PRKN: variants seen among roughly 807,000 people sequenced by gnomAD.
The protein encoded by PRKN is E3 ubiquitin-protein ligase parkin.
PRKN carries 56 observed loss-of-function variants against 59.5 expected under a neutral mutation model. The observed-to-expected ratio is 0.94, with a 90% CI of 0.76 to 1.18. The LOEUF (loss-of-function observed/expected upper bound fraction) is 1.18. PRKN is among the 50% of genes most tolerant of loss of function. The probability of loss-of-function intolerance (pLI) is 0.00; values close to 1 mark genes in which losing one functional copy is unlikely to be tolerated. For missense variants in PRKN, 657 were observed against 596.4 expected (o/e 1.10, Z -1.06); for synonymous variants, 250 against 222.1 (o/e 1.13, Z -1.12).
At chr6:162,111,463 T>TA (rs144971105) in intron 4 of PRKN, among the ~76,000 whole-genome samples, 24,558 of 150,616 alleles carry the variant, frequency 0.16, 2,513 homozygotes, top group African/African-American at 0.29. Context: ...AGACTCTGTC[T>TA]AAAAAAAAAG....
At chr6:161,767,445 A>G (rs1789474101) in intron 7 of PRKN, among the ~76,000 whole-genome samples, 1 of 150,994 alleles carries the variant, frequency 6.6e-6, no homozygotes, top group African/African-American at 2.4e-5. Flanking sequence ...TGAGCCCGGG[A>G]GGCGGAGCTT....
At chr6:161,696,630 C>T (rs1015334592) in intron 7 of PRKN, among the ~76,000 whole-genome samples, 1 of 152,176 alleles carries the variant, frequency 6.6e-6, no homozygotes, top group Non-Finnish European at 1.5e-5. Flanking sequence ...TGCAGGCATA[C>T]ATGTGAGTCT....
intron 2 of PRKN, among the ~76,000 whole-genome samples, chr6:162,351,837 T>A (rs1784640200): frequency 6.6e-6 from 1 of 152,130 alleles, no homozygotes; most frequent in African/African-American, 2.4e-5. Flanking sequence ...TGTGTTTGTG[T>A]GTGTGTGTGT....
At chr6:162,554,427 G>A (rs2846484) in intron 1 of PRKN, among the ~76,000 whole-genome samples, 56,176 of 152,012 alleles carry the variant, frequency 0.37, 11,395 homozygotes, top group Non-Finnish European at 0.46. Flanking sequence ...ACTTGAACTC[G>A]GGAGGCAGAG....
chr6:161,662,147 C>CA (rs949636228), intron 7 of PRKN, among the ~76,000 whole-genome samples: 11 of 151,848 alleles, frequency 7.2e-5, no homozygotes, highest in African/African-American at 2.2e-4. Context: ...AATGTTGGCT[C>CA]AAAAAAAATT....
At chr6:161,590,469 A>G (rs1032463136) in intron 7 of PRKN, among the ~76,000 whole-genome samples, 4 of 152,180 alleles carry the variant, frequency 2.6e-5, no homozygotes, top group African/African-American at 9.7e-5. Context: ...GTGGTGGCGC[A>G]CGCCTGTAAT....
chr6:161,364,223 G>A (rs1358700506), intron 10 of PRKN, among the ~76,000 whole-genome samples: 1 of 150,286 alleles, frequency 6.7e-6, no homozygotes, highest in Non-Finnish European at 1.5e-5. Flanking sequence ...GGATGTGGGA[G>A]GCCAAGGCAG....
At chr6:162,676,400 G>T (rs1230151257) in intron 1 of PRKN, among the ~76,000 whole-genome samples, 1 of 152,136 alleles carries the variant, frequency 6.6e-6, no homozygotes, top group Admixed American at 6.6e-5. Flanking sequence ...TATTGTCAGA[G>T]ATTGGGCTTG....
intron 4 of PRKN, among the ~76,000 whole-genome samples, chr6:162,177,785 A>C (rs1202406366): frequency 3.3e-5 from 5 of 152,202 alleles, no homozygotes; most frequent in African/African-American, 1.2e-4. Context: ...GGGACATTTG[A>C]ATCCAGTGGC....
chr6:161,742,711 T>C (rs918189072), intron 7 of PRKN, among the ~76,000 whole-genome samples: 7 of 152,228 alleles, frequency 4.6e-5, no homozygotes, highest in Non-Finnish European at 1.0e-4. Context: ...CTAGTTTTTA[T>C]GGAGCCTCTC....
At chr6:162,029,109 C>T (rs1318661483) in intron 5 of PRKN, among the ~76,000 whole-genome samples, 1 of 152,088 alleles carries the variant, frequency 6.6e-6, no homozygotes, top group African/African-American at 2.4e-5. Flanking sequence ...GTTATTTGCC[C>T]TGCCCTTACT....
intron 1 of PRKN, among the ~76,000 whole-genome samples, chr6:162,561,469 G>A (rs1250363591): frequency 2.0e-5 from 3 of 151,986 alleles, no homozygotes; most frequent in African/African-American, 7.3e-5. Flanking sequence ...AATCTACATA[G>A]GAAAAACACC....
At chr6:161,897,932 A>G (rs375308370) in intron 6 of PRKN, among the ~76,000 whole-genome samples, 11 of 125,934 alleles carry the variant, frequency 8.7e-5, no homozygotes, top group Admixed American at 5.4e-4. Flanking sequence ...GCGCCACTGC[A>G]CTCCAGCCTG....
intron 7 of PRKN, among the ~76,000 whole-genome samples, chr6:161,661,792 G>A (rs985324242): frequency 1.3e-5 from 2 of 152,146 alleles, no homozygotes; most frequent in African/African-American, 2.4e-5. Flanking sequence ...GGAGGCCGAC[G>A]TGGGAGGATC....
chr6:161,787,837 T>A (rs1190812475), intron 6 of PRKN, among the ~76,000 whole-genome samples: 1 of 152,102 alleles, frequency 6.6e-6, no homozygotes, highest in East Asian at 1.9e-4. Flanking sequence ...TCCCAGCTAC[T>A]CAGGAGGCTG....
At chr6:162,096,332 A>T (rs1283230707) in intron 4 of PRKN, among the ~76,000 whole-genome samples, 1 of 152,238 alleles carries the variant, frequency 6.6e-6, no homozygotes, top group African/African-American at 2.4e-5. Flanking sequence ...TAGTTTTAAA[A>T]GTACAAGCAT....
At chr6:161,917,406 G>T (rs898448771) in intron 6 of PRKN, among the ~76,000 whole-genome samples, 1 of 151,882 alleles carries the variant, frequency 6.6e-6, no homozygotes, top group Non-Finnish European at 1.5e-5. Context: ...GCACCCGGCC[G>T]ATTTTTTCAT....
At chr6:162,200,139 T>C (rs1784660508) in intron 4 of PRKN, among the ~76,000 whole-genome samples, 1 of 152,138 alleles carries the variant, frequency 6.6e-6, no homozygotes, top group Admixed American at 6.5e-5. Context: ...CCTGGGGTAT[T>C]TACCCACACT....
Position 162,723,937 on chromosome 6 carries a change from T to C in PRKN, c.7+3725A>G, listed in dbSNP as rs1270280804. ...GAAACAAGGTATAGAAGAGACTATG[T>C]TCCAATGAATGGTTTTTGTCAATCA... On this transcript the variant is annotated intron_variant, in intron 1 of 11. Transcript: ENST00000366898. 3.9e-5 allele frequency among the ~76,000 whole-genome samples: 6 copies of C among 152,184 alleles called. No homozygotes were observed. The East Asian group carries it at 1.2e-3, about 29-fold the overall frequency.
Sources: allele counts gnomAD v4.1 joint callset (sites outside exome capture counted in the v4.1 genomes callset), GRCh38; gene constraint gnomAD v4.1.1; transcripts MANE v1.5; gene names NCBI Gene and HGNC (gene_info 2026-07-23, HGNC 2026-07-21).